LRMDA: variants seen among roughly 807,000 people sequenced by gnomAD.
LRMDA encodes the protein leucine-rich melanocyte differentiation-associated protein.
LRMDA carries 18 observed loss-of-function variants against 29.8 expected under a neutral mutation model. That is an observed-to-expected ratio of 0.60 (90% CI 0.42 to 0.90). The LOEUF (loss-of-function observed/expected upper bound fraction) is 0.90, where lower values mean the gene tolerates loss of function less well. Ranked by LOEUF, LRMDA falls within the 40% of genes least tolerant of loss-of-function variation. The pLI, the probability that LRMDA is intolerant of heterozygous loss-of-function variation, is 0.00. For missense variants in LRMDA, 273 were observed against 273.9 expected (o/e 1.00, Z 0.02); for synonymous variants, 125 against 109.4 (o/e 1.14, Z -0.89).
At chr10:76,281,798 G>A (rs532536008) in intron 5 of LRMDA, among the ~76,000 whole-genome samples, 1 of 152,162 alleles carries the variant, frequency 6.6e-6, no homozygotes, top group Non-Finnish European at 1.5e-5. Flanking sequence ...CTCAAAGAGA[G>A]AAAGCATCCT....
At chr10:76,070,848 A>G (rs1043926116) in intron 5 of LRMDA, among the ~76,000 whole-genome samples, 3 of 152,182 alleles carry the variant, frequency 2.0e-5, no homozygotes, top group African/African-American at 7.2e-5. Context: ...CCACCGCACG[A>G]GACCCTTTTG....
chr10:76,077,815 A>G (rs569584416), intron 5 of LRMDA, among the ~76,000 whole-genome samples: 1 of 151,918 alleles, frequency 6.6e-6, no homozygotes, highest in South Asian at 2.1e-4. Flanking sequence ...CTGAAGCCTC[A>G]AGATTGGGGC....
chr10:76,472,000 T>G, intron 6 of LRMDA, among the ~76,000 whole-genome samples: 1 of 151,680 alleles, frequency 6.6e-6, no homozygotes, highest in East Asian at 1.9e-4. Flanking sequence ...AATACCCCAC[T>G]CTTAATAACA....
At chr10:76,338,363 C>CATAAATAAATAA (rs35208147) in intron 6 of LRMDA, among the ~76,000 whole-genome samples, 26 of 146,374 alleles carry the variant, frequency 1.8e-4, no homozygotes, top group South Asian at 4.4e-4. Context: ...GACACAGTCT[C>CATAAATAAATAA]ATAAATAAAT....
At chr10:75,974,531 T>G (rs1309956846) in intron 2 of LRMDA, among the ~76,000 whole-genome samples, 1 of 152,180 alleles carries the variant, frequency 6.6e-6, no homozygotes, top group African/African-American at 2.4e-5. Context: ...TAATCATGAT[T>G]ATTGCTTTTA....
intron 2 of LRMDA, among the ~76,000 whole-genome samples, chr10:75,639,206 A>G (rs1474166841): frequency 6.6e-6 from 1 of 152,198 alleles, no homozygotes; most frequent in Non-Finnish European, 1.5e-5. Flanking sequence ...TCTTCTTCAG[A>G]TTAAATGTAT....
chr10:75,826,149 C>T (rs755863620), intron 2 of LRMDA, among the ~76,000 whole-genome samples: 1 of 152,134 alleles, frequency 6.6e-6, no homozygotes, highest in Non-Finnish European at 1.5e-5. Flanking sequence ...CTTAATCCTA[C>T]TGTGATTTAT....
At chr10:75,985,570 C>T (rs753547787) in intron 2 of LRMDA, among the ~76,000 whole-genome samples, 38 of 152,212 alleles carry the variant, frequency 2.5e-4, no homozygotes, top group Non-Finnish European at 3.7e-4. Context: ...TTTCCTCTCA[C>T]CAGCAGTTCC....
intron 6 of LRMDA, among the ~76,000 whole-genome samples, chr10:76,383,959 A>AT (rs948612706): frequency 2.0e-5 from 3 of 147,500 alleles, no homozygotes; most frequent in Admixed American, 2.0e-4. Flanking sequence ...GATACCTGCC[A>AT]TTTTTTTTTC....
At chr10:75,757,194 C>A (rs1399728606) in intron 2 of LRMDA, among the ~76,000 whole-genome samples, 1 of 152,180 alleles carries the variant, frequency 6.6e-6, no homozygotes, top group African/African-American at 2.4e-5. Flanking sequence ...CACGTAAAAT[C>A]CCTCTCCTTT....
intron 6 of LRMDA, among the ~76,000 whole-genome samples, chr10:76,375,743 G>A (rs1407343651): frequency 1.3e-5 from 2 of 150,268 alleles, no homozygotes; most frequent in Admixed American, 1.3e-4. Flanking sequence ...TTTTTTTCGG[G>A]GGGAGAGGAT....
chr10:76,543,751 C>T (rs1224299545), intron 6 of LRMDA, among the ~76,000 whole-genome samples: 1 of 152,174 alleles, frequency 6.6e-6, no homozygotes, highest in East Asian at 1.9e-4. Context: ...CACCCCCTCG[C>T]CAGCTTCCAT....
intron 2 of LRMDA, among the ~76,000 whole-genome samples, chr10:75,452,580 T>TTTTC (rs1844474134): frequency 6.7e-6 from 1 of 148,756 alleles, no homozygotes; most frequent in Non-Finnish European, 1.5e-5. Context: ...TATGACTTTT[T>TTTTC]TTTTTTTTTT....
chr10:75,481,439 G>A (rs978873955), intron 2 of LRMDA, among the ~76,000 whole-genome samples: 1 of 152,148 alleles, frequency 6.6e-6, no homozygotes, highest in African/African-American at 2.4e-5. Context: ...TTAGCGGTAG[G>A]GAGGTAGGTA....
intron 5 of LRMDA, among the ~76,000 whole-genome samples, chr10:76,090,340 A>T (rs1463319749): frequency 6.6e-6 from 1 of 152,200 alleles, no homozygotes; most frequent in Non-Finnish European, 1.5e-5. Flanking sequence ...TGGTTTTTGC[A>T]TCAGCCATTT....
At chr10:75,955,035 A>G (rs928229864) in intron 2 of LRMDA, among the ~76,000 whole-genome samples, 1 of 152,232 alleles carries the variant, frequency 6.6e-6, no homozygotes, top group African/African-American at 2.4e-5. Context: ...TGGCAGTTTA[A>G]TTGCTTTGTT....
chr10:76,154,321 G>A (rs973526295), intron 5 of LRMDA, among the ~76,000 whole-genome samples: 3 of 152,170 alleles, frequency 2.0e-5, no homozygotes, highest in East Asian at 3.8e-4. Flanking sequence ...GTCAGATTAC[G>A]TGTCAGAAGA....
At chr10:75,497,360 T>G (rs1322776180) in intron 2 of LRMDA, among the ~76,000 whole-genome samples, 1 of 152,178 alleles carries the variant, frequency 6.6e-6, no homozygotes, top group South Asian at 2.1e-4. Flanking sequence ...TAGCCATCCA[T>G]CAATCCATCT....
At chr10:75,599,060 G>A (rs1840845111) in intron 2 of LRMDA, among the ~76,000 whole-genome samples, 1 of 152,098 alleles carries the variant, frequency 6.6e-6, no homozygotes, top group African/African-American at 2.4e-5. Flanking sequence ...GGATGGAAAT[G>A]GGAAGGTGAC....
Sources: allele counts gnomAD v4.1 joint callset (sites outside exome capture counted in the v4.1 genomes callset), GRCh38; gene constraint gnomAD v4.1.1; transcripts MANE v1.5; gene names NCBI Gene and HGNC (gene_info 2026-07-23, HGNC 2026-07-21).